PDE4D: variants seen among roughly 807,000 people sequenced by gnomAD.
PDE4D encodes phosphodiesterase 4D, also known as 3',5'-cyclic-AMP phosphodiesterase 4D.
In PDE4D, 24 loss-of-function variants were observed where a neutral mutation model predicts 87.4. That is an observed-to-expected ratio of 0.27 (90% CI 0.20 to 0.39). The LOEUF (loss-of-function observed/expected upper bound fraction) is 0.39, where lower values mean the gene tolerates loss of function less well. Among genes scored for constraint, PDE4D ranks in the 10% least tolerant of loss-of-function variants. The pLI is 1.00. For synonymous variants in PDE4D, 384 were observed against 383.2 expected (o/e 1.00, Z -0.02); for missense variants, 714 against 1,041.0 (o/e 0.69, Z 4.32).
At chr5:59,560,007 T>C (rs1162568235) in intron 1 of PDE4D, among the ~76,000 whole-genome samples, 7 of 152,218 alleles carry the variant, frequency 4.6e-5, no homozygotes, top group Non-Finnish European at 7.3e-5. Flanking sequence ...TTGAAAGGAA[T>C]GGCATGTCAT....
chr5:59,839,618 T>C (rs1399950858), intron 1 of PDE4D, among the ~76,000 whole-genome samples: 1 of 152,064 alleles, frequency 6.6e-6, no homozygotes, highest in Non-Finnish European at 1.5e-5. Context: ...TATGATGCAG[T>C]GTTGCTTTAG....
chr5:59,651,209 T>C (rs2150238650), intron 1 of PDE4D, among the ~76,000 whole-genome samples: 1 of 150,412 alleles, frequency 6.6e-6, no homozygotes, highest in South Asian at 2.1e-4. Context: ...TGAGCCGAGA[T>C]CGCGCCACTG....
At chr5:59,032,621 C>A (rs191851397) in intron 6 of PDE4D, among the ~76,000 whole-genome samples, 2 of 152,166 alleles carry the variant, frequency 1.3e-5, no homozygotes, top group Non-Finnish European at 2.9e-5. Flanking sequence ...ACTGTAAATT[C>A]TTAAAGAATA....
chr5:60,464,045 C>T (rs1042899650), intron 1 of PDE4D, among the ~76,000 whole-genome samples: 4 of 152,150 alleles, frequency 2.6e-5, no homozygotes, highest in African/African-American at 7.2e-5. Flanking sequence ...CCCTCCCCAT[C>T]CCACACACAC....
intron 2 of PDE4D, among the ~76,000 whole-genome samples, chr5:59,195,667 C>T (rs1464013944): frequency 6.6e-6 from 1 of 152,164 alleles, no homozygotes; most frequent in Admixed American, 6.5e-5. Context: ...CTTCACTTTC[C>T]CTTGGCCTCT....
At chr5:59,477,844 T>G (rs1298959166) in intron 1 of PDE4D, among the ~76,000 whole-genome samples, 1 of 151,986 alleles carries the variant, frequency 6.6e-6, no homozygotes, top group African/African-American at 2.4e-5. Context: ...AAATACACCA[T>G]GAAATACTAT....
At chr5:59,473,083 GAA>G (rs10573988) in intron 1 of PDE4D, among the ~76,000 whole-genome samples, 37,902 of 91,422 alleles carry the variant, frequency 0.41, 5,876 homozygotes, top group African/African-American at 0.56. Flanking sequence ...GCTTTCTCAT[GAA>G]AAAAAAAAAA....
chr5:60,069,638 CT>C (rs1196305826), intron 2 of PDE4D, among the ~76,000 whole-genome samples: 1 of 151,188 alleles, frequency 6.6e-6, no homozygotes, highest in Non-Finnish European at 1.5e-5. Flanking sequence ...TAGCTTTATT[CT>C]TTTTTTCAAG....
chr5:59,090,180 T>C (rs1221804550), intron 5 of PDE4D, among the ~76,000 whole-genome samples: 1 of 152,170 alleles, frequency 6.6e-6, no homozygotes, highest in Non-Finnish European at 1.5e-5. Context: ...CAGAACTGTG[T>C]AAAAGCATAT....
chr5:59,764,385 AACTG>A (rs1762523772), intron 1 of PDE4D, among the ~76,000 whole-genome samples: 1 of 152,218 alleles, frequency 6.6e-6, no homozygotes, highest in South Asian at 2.1e-4. Context: ...ATTCCCAGAA[AACTG>A]ACTAACGGGG....
intron 2 of PDE4D, among the ~76,000 whole-genome samples, chr5:60,123,687 G>A (rs919916687): frequency 6.6e-6 from 1 of 152,032 alleles, no homozygotes; most frequent in African/African-American, 2.4e-5. Flanking sequence ...AGTGACCAGG[G>A]AAAGAAGGAA....
chr5:59,406,684 A>G (rs896349842), intron 1 of PDE4D, among the ~76,000 whole-genome samples: 1 of 152,052 alleles, frequency 6.6e-6, no homozygotes, highest in African/African-American at 2.4e-5. Flanking sequence ...CATTGTGCCC[A>G]GCAACATCTC....
In PDE4D at chr5:59,694,234, C is replaced by G. The variant is rs185193727; in HGVS notation, c.455+198934G>C. The stretch of plus-strand genomic sequence containing the variant: ...TTCTAGTCACTTCCTTCACAAACTC[C>G]CAATAACTCAGTGTATTTATTCCTC... On this transcript the variant is annotated intron_variant, in intron 1 of 14. Coordinates refer to ENST00000340635, the MANE Select transcript of PDE4D (RefSeq NM_001104631.2). 2.5e-4 allele frequency among the ~76,000 whole-genome samples: 38 copies of G among 152,240 alleles called. No individual in the cohort carries two copies. In the East Asian group the frequency reaches 5.0e-3, roughly 20 times the overall value.
At chr5:60,122,692 GAGATACT>G (rs1318329015) in intron 2 of PDE4D, among the ~76,000 whole-genome samples, 1 of 152,192 alleles carries the variant, frequency 6.6e-6, no homozygotes, top group Non-Finnish European at 1.5e-5. Flanking sequence ...GAAGACCTCT[GAGATACT>G]CTGGAGACAT....
chr5:60,085,708 C>A (rs1264713832), intron 2 of PDE4D, among the ~76,000 whole-genome samples: 1 of 152,154 alleles, frequency 6.6e-6, no homozygotes, highest in Non-Finnish European at 1.5e-5. Flanking sequence ...ATTTCTACAT[C>A]TTTAAAAATC....
intron 1 of PDE4D, among the ~76,000 whole-genome samples, chr5:59,846,749 C>T (rs771713488): frequency 4.0e-5 from 6 of 151,866 alleles, no homozygotes; most frequent in South Asian, 2.1e-4. Context: ...AAGGCTGAAA[C>T]GTCACATGGA....
In PDE4D at chr5:60,245,609, A is replaced by G. The variant is rs79724606; in HGVS notation, c.-89-59922T>C. 1.7e-3 allele frequency among the ~76,000 whole-genome samples: 263 copies of G among 152,104 alleles called. 2 individuals carry two copies. The highest frequency in any genetic ancestry group is 6.1e-3 in the African/African-American group (252 of 41,560). On this transcript the variant is annotated intron_variant, in intron 1 of 16. Coordinates refer to the PDE4D transcript ENST00000502484. ...TTATTAAACCATTAAAAAGAATGAG[A>G]TTCTGTTATTTACAACAGTGTGGAT...
chr5:59,532,077 A>C (rs1561139729), intron 1 of PDE4D, among the ~76,000 whole-genome samples: 1 of 152,202 alleles, frequency 6.6e-6, no homozygotes, highest in South Asian at 2.1e-4. Context: ...GATTGGGCTA[A>C]TGATGTCATG....
intron 1 of PDE4D, among the ~76,000 whole-genome samples, chr5:59,514,025 C>A (rs2153669924): frequency 6.6e-6 from 1 of 152,022 alleles, no homozygotes; most frequent in South Asian, 2.1e-4. Flanking sequence ...GAAAGGTATA[C>A]ACTTTAAATG....
Sources: allele counts gnomAD v4.1 joint callset (sites outside exome capture counted in the v4.1 genomes callset), GRCh38; gene constraint gnomAD v4.1.1; transcripts MANE v1.5; gene names NCBI Gene and HGNC (gene_info 2026-07-23, HGNC 2026-07-21).